Variants in CCDC3 observed in about 807,000 individuals in gnomAD.
CCDC3 encodes coiled-coil domain containing 3.
Under a neutral mutation model 21.4 loss-of-function variants are expected in CCDC3, and 24 were observed. The observed-to-expected ratio is 1.12, with a 90% CI of 0.81 to 1.58. The LOEUF is 1.58. CCDC3 is among the 40% of genes most tolerant of loss of function. The pLI, the probability that CCDC3 is intolerant of heterozygous loss-of-function variation, is 0.00. For synonymous variants in CCDC3, 186 were observed against 166.0 expected (o/e 1.12, Z -0.93); for missense variants, 425 against 360.9 (o/e 1.18, Z -1.44).
intron 4 of CCDC3, among the ~76,000 whole-genome samples, chr10:13,073,701 G>A (rs1395526737): frequency 1.3e-5 from 2 of 152,002 alleles, no homozygotes; most frequent in African/African-American, 4.8e-5. Flanking sequence ...TGCCTAGGCT[G>A]GTCTCCAACT....
intron 2 of CCDC3, among the ~76,000 whole-genome samples, chr10:12,954,135 C>G (rs1233636121): frequency 6.6e-6 from 1 of 152,172 alleles, no homozygotes; most frequent in African/African-American, 2.4e-5. Context: ...CCAGATTTAA[C>G]TAGTTGATCA....
intron 2 of CCDC3, among the ~76,000 whole-genome samples, chr10:12,913,923 G>A (rs1273958334): frequency 1.3e-5 from 2 of 152,086 alleles, no homozygotes; most frequent in Non-Finnish European, 2.9e-5. Context: ...TTATATCCCT[G>A]GGATAAATGT....
At chr10:12,981,040 CT>C (rs879255847) in intron 2 of CCDC3, among the ~76,000 whole-genome samples, 1,937 of 148,562 alleles carry the variant, frequency 0.013, 44 homozygotes, top group African/African-American at 0.042. Flanking sequence ...GAAGATTAGA[CT>C]TTTTTTTTTT....
At position 12,995,783 on chromosome 10, in the gene CCDC3, G is replaced by A. The variant is rs1422081120; in HGVS notation, c.549+2555C>T. Among the ~76,000 whole-genome samples, 3 of 152,104 alleles carry A rather than the reference G, an allele frequency of 2.0e-5. No homozygotes were observed. The East Asian group carries it at 5.8e-4, about 29-fold the overall frequency. The stretch of plus-strand genomic sequence containing the variant: ...GAGGCCAGGGTGATTCAAGGGAAAG[G>A]GAAAAGGAATTCTCCCCCAAGATCA... On this transcript the variant is annotated intron_variant, in intron 2 of 2. Coordinates refer to ENST00000378825, the MANE Select transcript of CCDC3 (RefSeq NM_031455.4).
chr10:13,058,385 G>C (rs1458907813), intron 4 of CCDC3: 1 of 949,228 alleles, frequency 1.1e-6, no homozygotes, highest in Non-Finnish European at 1.7e-6. Context: ...AGGACAATAC[G>C]CTGCAGCGTA....
intron 4 of CCDC3, among the ~76,000 whole-genome samples, chr10:13,071,406 TA>T (rs745883245): frequency 5.3e-5 from 8 of 152,316 alleles, no homozygotes; most frequent in Middle Eastern, 3.4e-3. Flanking sequence ...TAATGGCAGT[TA>T]AAAGACACAG....
At chr10:12,905,309 C>G (rs999559850) in intron 2 of CCDC3, among the ~76,000 whole-genome samples, 14 of 152,194 alleles carry the variant, frequency 9.2e-5, no homozygotes, top group African/African-American at 3.4e-4. Context: ...TTTGTGGCAG[C>G]TGTTGTGCTG....
At chr10:12,953,406 A>T (rs2131250259) in intron 2 of CCDC3, among the ~76,000 whole-genome samples, 1 of 152,324 alleles carries the variant, frequency 6.6e-6, no homozygotes, top group South Asian at 2.1e-4. Context: ...CCACTAGCTC[A>T]TGTCTTTATA....
chr10:12,904,468 T>TAAAAGAAAA (rs1834141430), intron 2 of CCDC3, among the ~76,000 whole-genome samples: 1 of 40,902 alleles, frequency 2.4e-5, no homozygotes, highest in Non-Finnish European at 4.2e-5. Flanking sequence ...AAGCCAGTCT[T>TAAAAGAAAA]AAAAAAAAAA....
intron 5 of CCDC3, among the ~76,000 whole-genome samples, chr10:13,013,236 T>C (rs989919476): frequency 1.2e-4 from 18 of 152,266 alleles, no homozygotes; most frequent in African/African-American, 3.9e-4. Context: ...TCATTCTCCA[T>C]TAAAAAGAAC....
intron 4 of CCDC3, among the ~76,000 whole-genome samples, chr10:13,054,823 C>T (rs545456589): frequency 1.6e-3 from 242 of 152,224 alleles, no homozygotes; most frequent in African/African-American, 5.2e-3. Context: ...ACCCTCACTA[C>T]GCGTGGCTAA....
chr10:12,915,129 T>G (rs960228245), intron 2 of CCDC3, among the ~76,000 whole-genome samples: 2 of 152,228 alleles, frequency 1.3e-5, no homozygotes, highest in Non-Finnish European at 1.5e-5. Context: ...TTTCCACATA[T>G]TTGGGAATTT....
intron 2 of CCDC3, among the ~76,000 whole-genome samples, chr10:12,948,472 C>T (rs1313438266): frequency 9.6e-6 from 1 of 103,680 alleles, no homozygotes; most frequent in Non-Finnish European, 1.9e-5. Context: ...CAATTGCACA[C>T]ACACACACAC....
intron 4 of CCDC3, among the ~76,000 whole-genome samples, chr10:13,054,305 C>T (rs1282917866): frequency 6.6e-6 from 1 of 152,120 alleles, no homozygotes; most frequent in Non-Finnish European, 1.5e-5. Context: ...GCTGCCTCTG[C>T]CTGAACTGGT....
At chr10:12,932,608 TAC>T (rs1834664713) in intron 2 of CCDC3, among the ~76,000 whole-genome samples, 1 of 152,242 alleles carries the variant, frequency 6.6e-6, no homozygotes, top group African/African-American at 2.4e-5. Flanking sequence ...CCATGTTATC[TAC>T]AATGTTTTAT....
At chr10:12,938,059 A>T (rs1447787804) in intron 2 of CCDC3, among the ~76,000 whole-genome samples, 1 of 152,152 alleles carries the variant, frequency 6.6e-6, no homozygotes, top group East Asian at 1.9e-4. Flanking sequence ...CCCACATGGA[A>T]TTCTCTCCAT....
chr10:13,077,306 C>G (rs1251149), intron 3 of CCDC3, among the ~76,000 whole-genome samples: 1 of 152,026 alleles, frequency 6.6e-6, no homozygotes, highest in South Asian at 2.1e-4. Flanking sequence ...TTACAAGGGA[C>G]GTGAAGGACC....
At chr10:13,024,400 G>A (rs756805478) in intron 5 of CCDC3, among the ~76,000 whole-genome samples, 12 of 152,080 alleles carry the variant, frequency 7.9e-5, no homozygotes, top group Non-Finnish European at 1.5e-4. Context: ...GGATGCTACG[G>A]GAAAATACTT....
chr10:13,081,712 A>T (rs1488525850), intron 3 of CCDC3, among the ~76,000 whole-genome samples: 1 of 152,246 alleles, frequency 6.6e-6, no homozygotes, highest in Non-Finnish European at 1.5e-5. Context: ...CAAAGTCTCT[A>T]TAGTAAAAGT....
Sources: gnomAD v4.1 joint callset for allele counts (sites outside exome capture counted in the v4.1 genomes callset) on GRCh38, gnomAD v4.1.1 for gene constraint, MANE v1.5 for transcripts, NCBI Gene and HGNC (gene_info 2026-07-23, HGNC 2026-07-21) for gene names.